GRID2: variants seen among roughly 807,000 people sequenced by gnomAD.
The protein encoded by GRID2 is glutamate ionotropic receptor delta type subunit 2, also known as glutamate receptor ionotropic, delta-2.
Under a neutral mutation model 114.8 loss-of-function variants are expected in GRID2, and 33 were observed. The ratio of observed to expected loss-of-function variants is 0.29; its 90% confidence interval spans 0.22 to 0.38. The LOEUF is 0.38. Among genes scored for constraint, GRID2 ranks in the 10% least tolerant of loss-of-function variants. The pLI is 1.00. For missense variants in GRID2, 1,184 were observed against 1,257.7 expected (o/e 0.94, Z 0.89); for synonymous variants, 505 against 449.9 (o/e 1.12, Z -1.55).
At chr4:93,461,501 A>T (rs1346114646) in intron 11 of GRID2, among the ~76,000 whole-genome samples, 2 of 152,144 alleles carry the variant, frequency 1.3e-5, no homozygotes, top group Non-Finnish European at 2.9e-5. Flanking sequence ...TTGAATAGGG[A>T]TAAAGAGGCA....
chr4:93,464,160 T>C (rs996512828), intron 11 of GRID2, among the ~76,000 whole-genome samples: 5 of 152,162 alleles, frequency 3.3e-5, no homozygotes, highest in African/African-American at 1.2e-4. Flanking sequence ...TGATTTAGGA[T>C]TGGTCTAAGT....
At chr4:93,222,831 T>C (rs1360623240) in intron 6 of GRID2, among the ~76,000 whole-genome samples, 1 of 152,126 alleles carries the variant, frequency 6.6e-6, no homozygotes, top group East Asian at 1.9e-4. Flanking sequence ...TTCCATGGTG[T>C]ATATGTGCCA....
chr4:93,249,834 G>A (rs1171379146), intron 8 of GRID2, among the ~76,000 whole-genome samples: 2 of 151,960 alleles, frequency 1.3e-5, no homozygotes, highest in African/African-American at 4.8e-5. Flanking sequence ...TTATTAAAAA[G>A]TCAGGAAAAA....
chr4:93,606,137 T>C (rs898399557), intron 13 of GRID2, among the ~76,000 whole-genome samples: 2 of 151,984 alleles, frequency 1.3e-5, no homozygotes, highest in African/African-American at 4.8e-5. Flanking sequence ...CGTGGTGGCA[T>C]GTGCCTATAG....
intron 2 of GRID2, among the ~76,000 whole-genome samples, chr4:92,967,911 G>A (rs1379058643): frequency 6.6e-6 from 1 of 151,846 alleles, no homozygotes; most frequent in Admixed American, 6.6e-5. Flanking sequence ...GGAAAGCGGT[G>A]CAGGATGTAT....
chr4:93,150,063 A>G (rs562885962), intron 4 of GRID2, among the ~76,000 whole-genome samples: 15 of 152,314 alleles, frequency 9.8e-5, no homozygotes, highest in Admixed American at 6.5e-4. Context: ...AATTACCAAA[A>G]AAGAAAGTTT....
chr4:93,416,634 A>G (rs932013251), intron 9 of GRID2, among the ~76,000 whole-genome samples: 1 of 152,050 alleles, frequency 6.6e-6, no homozygotes, highest in Admixed American at 6.6e-5. Flanking sequence ...CTTTTTTCCA[A>G]CGCCATCACT....
At chr4:93,037,811 A>G (rs1725065093) in intron 2 of GRID2, among the ~76,000 whole-genome samples, 1 of 152,146 alleles carries the variant, frequency 6.6e-6, no homozygotes, top group South Asian at 2.1e-4. Context: ...CTGTTTTGGT[A>G]CCAGTACCGT....
chr4:92,583,914 C>T lies in GRID2; in HGVS notation c.89-6217C>T, dbSNP rs202088948. Among the ~76,000 whole-genome samples the T allele has an allele frequency of 8.7e-5, 11 of 126,136 alleles. No individual in the cohort carries two copies. The East Asian group carries it at 2.3e-3, about 27-fold the overall frequency. 82.8% of individuals were successfully genotyped at this position (126,136 alleles called of 152,430 possible). On this transcript the variant is annotated intron_variant, in intron 1 of 15. Coordinates refer to ENST00000282020, the MANE Select transcript of GRID2 (RefSeq NM_001510.4). ...ATATATATGTGTATATATTTATATA[C>T]ACATATATGTATATATATATATGTA... is the stretch of plus-strand genomic sequence containing the variant.
chr4:93,327,218 C>A (rs1001327814), intron 8 of GRID2, among the ~76,000 whole-genome samples: 8 of 152,114 alleles, frequency 5.3e-5, no homozygotes, highest in Non-Finnish European at 1.2e-4. Context: ...CCTTTTGCTC[C>A]AGATCATTTA....
intron 1 of GRID2, among the ~76,000 whole-genome samples, chr4:92,563,391 C>G (rs557691264): frequency 6.6e-6 from 1 of 152,124 alleles, no homozygotes; most frequent in East Asian, 1.9e-4. Flanking sequence ...AATATATAAA[C>G]TAAAGAAGTG....
chr4:93,388,734 A>G (rs1764566106), intron 8 of GRID2, among the ~76,000 whole-genome samples: 1 of 152,210 alleles, frequency 6.6e-6, no homozygotes, highest in East Asian at 1.9e-4. Flanking sequence ...AAGAGAAGCT[A>G]TGAAATTAGC....
chr4:92,780,811 G>T (rs1039527192), intron 2 of GRID2, among the ~76,000 whole-genome samples: 28 of 152,092 alleles, frequency 1.8e-4, no homozygotes, highest in African/African-American at 6.8e-4. Context: ...ATTAAAACTT[G>T]CTTATATGCC....
intron 1 of GRID2, among the ~76,000 whole-genome samples, chr4:92,358,584 A>G (rs1728458264): frequency 1.3e-5 from 2 of 151,972 alleles, no homozygotes; most frequent in Non-Finnish European, 2.9e-5. Context: ...TACTTCATTA[A>G]TACTATAACC....
intron 2 of GRID2, among the ~76,000 whole-genome samples, chr4:92,809,824 A>G (rs972737879): frequency 3.3e-5 from 5 of 152,038 alleles, no homozygotes; most frequent in African/African-American, 9.7e-5. Flanking sequence ...TCTTTATTGC[A>G]TCTAAAAATG....
intron 13 of GRID2, among the ~76,000 whole-genome samples, chr4:93,539,006 G>GA (rs1365078547): frequency 6.6e-6 from 1 of 151,762 alleles, no homozygotes; most frequent in African/African-American, 2.4e-5. Flanking sequence ...AATATTAGGG[G>GA]AAAATGGGTT....
chr4:92,717,812 C>G (rs1248574600), intron 2 of GRID2, among the ~76,000 whole-genome samples: 1 of 152,146 alleles, frequency 6.6e-6, no homozygotes, highest in Non-Finnish European at 1.5e-5. Flanking sequence ...CATTCATTCA[C>G]ATACTTCCAG....
intron 14 of GRID2, among the ~76,000 whole-genome samples, chr4:93,650,860 T>C (rs1722523649): frequency 6.6e-6 from 1 of 152,024 alleles, no homozygotes; most frequent in Non-Finnish European, 1.5e-5. Flanking sequence ...GGGAACAAAC[T>C]GAAAGGTTTA....
At chr4:93,789,701 T>G (rs1734659557) in intron 1 of GRID2, among the ~76,000 whole-genome samples, 1 of 152,288 alleles carries the variant, frequency 6.6e-6, no homozygotes, top group South Asian at 2.1e-4. Flanking sequence ...GAAAGAAAAT[T>G]CAAGATCAGT....
Sources: allele counts gnomAD v4.1 joint callset (sites outside exome capture counted in the v4.1 genomes callset), GRCh38; gene constraint gnomAD v4.1.1; transcripts MANE v1.5; gene names NCBI Gene and HGNC (gene_info 2026-07-23, HGNC 2026-07-21).